PALM2AKAP2: variants seen among roughly 807,000 people sequenced by gnomAD.
The protein encoded by PALM2AKAP2 is PALM2 and AKAP2 fusion, also known as PALM2-AKAP2 fusion protein.
PALM2AKAP2 carries 37 observed loss-of-function variants against 71.5 expected under a neutral mutation model. The ratio of observed to expected loss-of-function variants is 0.52; its 90% CI spans 0.40 to 0.68. The LOEUF is 0.68. PALM2AKAP2 is among the 30% of genes least tolerant of loss of function. The probability of loss-of-function intolerance (pLI) is 0.00; values close to 1 mark genes in which losing one functional copy is unlikely to be tolerated. For missense variants in PALM2AKAP2, 1,224 were observed against 1,191.8 expected (o/e 1.03, Z -0.40); for synonymous variants, 468 against 478.8 (o/e 0.98, Z 0.29).
At chr9:109,853,137 C>T (rs1049708533) in intron 1 of PALM2AKAP2, among the ~76,000 whole-genome samples, 5 of 152,236 alleles carry the variant, frequency 3.3e-5, no homozygotes, top group African/African-American at 4.8e-5. Context: ...TCAGTGTCCT[C>T]ATCTGTAATG....
At chr9:109,673,453 C>T (rs746973886) in intron 1 of PALM2AKAP2, among the ~76,000 whole-genome samples, 2 of 152,060 alleles carry the variant, frequency 1.3e-5, no homozygotes, top group Non-Finnish European at 2.9e-5. Context: ...TTTGATTGCT[C>T]TGTAGTCTGA....
At chr9:110,010,175 C>T (rs765494286) in intron 6 of PALM2AKAP2, among the ~76,000 whole-genome samples, 2 of 152,188 alleles carry the variant, frequency 1.3e-5, no homozygotes, top group Non-Finnish European at 2.9e-5. Flanking sequence ...AGACAGGTCT[C>T]AATTTCTCCT....
intron 1 of PALM2AKAP2, among the ~76,000 whole-genome samples, chr9:109,760,801 A>G (rs1194434687): frequency 6.6e-6 from 1 of 152,212 alleles, no homozygotes; most frequent in Non-Finnish European, 1.5e-5. Context: ...CTTAGAGTAC[A>G]AATGCACTCA....
At chr9:109,967,580 T>G (rs528783551) in intron 6 of PALM2AKAP2, among the ~76,000 whole-genome samples, 1 of 152,242 alleles carries the variant, frequency 6.6e-6, no homozygotes, top group South Asian at 2.1e-4. Context: ...CAGCTAATTT[T>G]TGTATTTTTA....
At chr9:109,688,344 T>A (rs141336877) in intron 1 of PALM2AKAP2, among the ~76,000 whole-genome samples, 178 of 152,358 alleles carry the variant, frequency 1.2e-3, no homozygotes, top group African/African-American at 4.0e-3. Flanking sequence ...ATAAATCATT[T>A]GTAAACCCAT....
intron 6 of PALM2AKAP2, among the ~76,000 whole-genome samples, chr9:109,982,304 A>T (rs1832286995): frequency 6.6e-6 from 1 of 152,216 alleles, no homozygotes; most frequent in African/African-American, 2.4e-5. Context: ...GAGGCTCGGA[A>T]GGGTAGTGGG....
At chr9:110,165,668 A>G (rs943587519) in intron 3 of PALM2AKAP2, among the ~76,000 whole-genome samples, 2 of 152,238 alleles carry the variant, frequency 1.3e-5, no homozygotes, top group Non-Finnish European at 2.9e-5. Context: ...CTTGACAAGT[A>G]GATGTCCAAA....
At chr9:109,744,220 T>G (rs574397882) in intron 1 of PALM2AKAP2, among the ~76,000 whole-genome samples, 1 of 152,282 alleles carries the variant, frequency 6.6e-6, no homozygotes, top group South Asian at 2.1e-4. Flanking sequence ...ATAGGAGAGA[T>G]ATTGTTAGAT....
chr9:109,875,112 C>T (rs1468009755), intron 2 of PALM2AKAP2, among the ~76,000 whole-genome samples: 4 of 152,206 alleles, frequency 2.6e-5, no homozygotes, highest in African/African-American at 4.8e-5. Context: ...TGCCCTCCCA[C>T]CCCAACCTCA....
chr9:109,710,082 G>T (rs1210031591), intron 1 of PALM2AKAP2, among the ~76,000 whole-genome samples: 1 of 152,176 alleles, frequency 6.6e-6, no homozygotes, highest in Non-Finnish European at 1.5e-5. Context: ...ACAAGCCAAG[G>T]AATGCCAAGT....
chr9:109,652,201 G>A (rs1827235360), intron 1 of PALM2AKAP2, among the ~76,000 whole-genome samples: 1 of 152,060 alleles, frequency 6.6e-6, no homozygotes, highest in African/African-American at 2.4e-5. Flanking sequence ...GATATAGTTT[G>A]GATATTTGTC....
intron 1 of PALM2AKAP2, among the ~76,000 whole-genome samples, chr9:109,712,096 A>G (rs1001489537): frequency 6.6e-6 from 1 of 152,090 alleles, no homozygotes; most frequent in Non-Finnish European, 1.5e-5. Flanking sequence ...TGACAGATAC[A>G]TATACTTTAT....
chr9:109,673,953 G>T (rs1250609424), intron 1 of PALM2AKAP2, among the ~76,000 whole-genome samples: 1 of 151,948 alleles, frequency 6.6e-6, no homozygotes, highest in East Asian at 1.9e-4. Context: ...TCACTTGGTA[G>T]ATTTTTCTCC....
intron 6 of PALM2AKAP2, among the ~76,000 whole-genome samples, chr9:109,947,956 GA>G (rs1012547158): frequency 6.6e-6 from 1 of 152,184 alleles, no homozygotes; most frequent in Non-Finnish European, 1.5e-5. Context: ...GATAGAACCT[GA>G]AAACATCCTT....
chr9:110,132,948 G>A (rs537191026), intron 1 of PALM2AKAP2, among the ~76,000 whole-genome samples: 1 of 152,154 alleles, frequency 6.6e-6, no homozygotes, highest in Admixed American at 6.5e-5. Context: ...CAGTTTGACC[G>A]ATCACAGAAG....
intron 1 of PALM2AKAP2, among the ~76,000 whole-genome samples, chr9:109,725,019 T>C (rs983432387): frequency 3.3e-5 from 5 of 152,186 alleles, no homozygotes; most frequent in African/African-American, 1.2e-4. Context: ...ACAATCATTA[T>C]GAACAAGACA....
intron 1 of PALM2AKAP2, among the ~76,000 whole-genome samples, chr9:109,818,124 A>C (rs1325822130): frequency 2.6e-5 from 4 of 152,218 alleles, no homozygotes; most frequent in African/African-American, 9.6e-5. Context: ...GAATGAGGCA[A>C]GGTATTTAAA....
intron 1 of PALM2AKAP2, among the ~76,000 whole-genome samples, chr9:109,809,473 A>G (rs533172459): frequency 6.6e-6 from 1 of 152,286 alleles, no homozygotes; most frequent in African/African-American, 2.4e-5. Context: ...TCCCATTTGG[A>G]ATGGGTATAT....
chr9:109,713,356 G>A (rs1828269188), intron 1 of PALM2AKAP2, among the ~76,000 whole-genome samples: 1 of 152,082 alleles, frequency 6.6e-6, no homozygotes, highest in African/African-American at 2.4e-5. Flanking sequence ...CCTAAAGTGT[G>A]GGCATCAACA....
Sources: gnomAD v4.1 joint callset for allele counts (sites outside exome capture counted in the v4.1 genomes callset) on GRCh38, gnomAD v4.1.1 for gene constraint, MANE v1.5 for transcripts, NCBI Gene and HGNC (gene_info 2026-07-23, HGNC 2026-07-21) for gene names.